The following KAZN variants were observed in gnomAD, a reference collection of about 807,000 sequenced individuals.
KAZN encodes the protein kazrin, periplakin interacting protein, also known as kazrin.
A neutral mutation model predicts 87.4 loss-of-function variants in KAZN; 40 were observed. That is an observed-to-expected ratio of 0.46 (90% CI 0.36 to 0.60). KAZN has a LOEUF of 0.60. KAZN is among the 20% of genes least tolerant of loss of function. The probability of loss-of-function intolerance (pLI) is 0.00; values close to 1 mark genes in which losing one functional copy is unlikely to be tolerated. For missense variants in KAZN, 898 were observed against 1,073.9 expected, an observed-to-expected ratio of 0.84 and a Z score of 2.29; for synonymous variants, 466 against 458.3, an observed-to-expected ratio of 1.02 and a Z score of -0.22.
In KAZN at chr1:14,553,839, A is replaced by G. The variant is rs535722469; in HGVS notation, c.250-45144A>G. Among the ~76,000 whole-genome samples the G allele has an allele frequency of 2.6e-5, 4 of 152,290 alleles. No individual in the cohort carries two copies. In the South Asian group the frequency reaches 8.3e-4, roughly 32 times the overall value. On this transcript the variant is annotated intron_variant, in intron 2 of 16. Coordinates refer to the KAZN transcript ENST00000636203. Reference sequence around the variant, plus strand: ...GACTTTCCTGGTGGAGCGTTTTGAAATGACCAATCCTGGGCCTCACTGCTG... The same window carrying G: ...GACTTTCCTGGTGGAGCGTTTTGAAGTGACCAATCCTGGGCCTCACTGCTG...
intron 3 of KAZN, among the ~76,000 whole-genome samples, chr1:15,036,019 TC>T (rs925823372): frequency 2.2e-4 from 34 of 151,776 alleles, no homozygotes; most frequent in Admixed American, 1.4e-3. Flanking sequence ...AGATGCTTGG[TC>T]CCCCCTACCC....
intron 2 of KAZN, among the ~76,000 whole-genome samples, chr1:14,419,643 A>C (rs149788545): frequency 3.2e-3 from 487 of 151,934 alleles, no homozygotes; most frequent in African/African-American, 0.01. Flanking sequence ...GTTCCTTCTG[A>C]TTTTCGGATG....
At chr1:14,111,903 C>A (rs1404024261) in intron 1 of KAZN, among the ~76,000 whole-genome samples, 1 of 152,056 alleles carries the variant, frequency 6.6e-6, no homozygotes, top group Non-Finnish European at 1.5e-5. Context: ...CCACGCCCGG[C>A]TAATTTTTGT....
At chr1:14,315,335 G>A (rs1033241086) in intron 2 of KAZN, among the ~76,000 whole-genome samples, 1 of 152,076 alleles carries the variant, frequency 6.6e-6, no homozygotes, top group Non-Finnish European at 1.5e-5. Context: ...CAGTGAAGCA[G>A]ATAGTGTTAT....
chr1:14,924,848 C>G lies in KAZN; in HGVS notation c.227-35836C>G, dbSNP rs1454432090. 2.0e-5 allele frequency among the ~76,000 whole-genome samples: 3 copies of G among 152,280 alleles called. No homozygotes were observed. The East Asian group carries it at 5.9e-4, about 30-fold the overall frequency. ...GGCGATCCCGCGGCGCCTGGAGACC[C>G]AGCTCCGGGCTGGACCCCGCGTCTG... is the stretch of plus-strand genomic sequence containing the variant. On this transcript the variant is annotated intron_variant, in intron 1 of 14. Coordinates refer to ENST00000376030, the MANE Select transcript of KAZN (RefSeq NM_201628.3).
At chr1:14,723,632 C>T (rs148664472) in intron 1 of KAZN, among the ~76,000 whole-genome samples, 3 of 152,338 alleles carry the variant, frequency 2.0e-5, no homozygotes, top group Non-Finnish European at 4.4e-5. Flanking sequence ...GCTCAGCATC[C>T]ATTTGCTCCC....
chr1:14,497,667 A>T (rs1463792925), intron 2 of KAZN, among the ~76,000 whole-genome samples: 1 of 152,218 alleles, frequency 6.6e-6, no homozygotes, highest in African/African-American at 2.4e-5. Context: ...TCAGCCTATG[A>T]AGATATATAC....
chr1:13,971,188 T>C (rs10803442), intron 1 of KAZN, among the ~76,000 whole-genome samples: 79,390 of 152,048 alleles, frequency 0.52, 21,277 homozygotes, highest in East Asian at 0.83. Context: ...ACCAGCCTAA[T>C]TTGGATGTGT....
At chr1:14,828,903 C>G (rs531673348) in intron 1 of KAZN, among the ~76,000 whole-genome samples, 3 of 152,116 alleles carry the variant, frequency 2.0e-5, no homozygotes, top group Admixed American at 1.3e-4. Flanking sequence ...GAAGAGATAG[C>G]GAGAGCAACA....
Position 13,989,746 on chromosome 1 carries a change from A to G in KAZN, c.91+95990A>G, listed in dbSNP as rs1029294570. ...TAGTAAAGAAATAAAATGGCCATCC[A>G]GTGACCACAGGCCCTTGGTACACCT... On this transcript the variant is annotated intron_variant, in intron 1 of 16. Transcript: ENST00000636203. Among the ~76,000 whole-genome samples, 28 of 152,220 alleles carry G rather than the reference A, an allele frequency of 1.8e-4. 1 individual carries two copies. The highest frequency in any genetic ancestry group is 7.2e-4 in the Admixed American group (11 of 15,280).
chr1:15,091,692 C>G (rs1041586345), intron 8 of KAZN, among the ~76,000 whole-genome samples: 1 of 152,214 alleles, frequency 6.6e-6, no homozygotes, highest in Non-Finnish European at 1.5e-5. Flanking sequence ...TTTCCCGTGA[C>G]AGGACTTTTT....
chr1:14,847,467 G>A (rs1296997592), intron 1 of KAZN, among the ~76,000 whole-genome samples: 1 of 152,206 alleles, frequency 6.6e-6, no homozygotes, highest in African/African-American at 2.4e-5. Flanking sequence ...AGGCCTGGGA[G>A]GTGCCTGCTG....
At chr1:14,774,464 A>G (rs1327231498) in intron 1 of KAZN, among the ~76,000 whole-genome samples, 2 of 145,996 alleles carry the variant, frequency 1.4e-5, no homozygotes, top group Non-Finnish European at 3.0e-5. Context: ...TGGTTCTTGA[A>G]CAGATTTTTT....
At chr1:14,643,930 CT>C (rs1180627681) in intron 1 of KAZN, among the ~76,000 whole-genome samples, 2 of 147,642 alleles carry the variant, frequency 1.4e-5, no homozygotes, top group Non-Finnish European at 3.0e-5. Context: ...TGATATTGAG[CT>C]TTTTTTTCAT....
In KAZN at chr1:13,915,389, G is replaced by A. The variant is rs6704097; in HGVS notation, c.91+21633G>A. Among the ~76,000 whole-genome samples the A allele has an allele frequency of 1.3e-3, 194 of 152,316 alleles. 1 individual carries two copies. The highest frequency in any genetic ancestry group is 4.5e-3 in the African/African-American group (187 of 41,576). On this transcript the variant is annotated intron_variant, in intron 1 of 16. Coordinates refer to the KAZN transcript ENST00000636203. ...TTTAGTCTATAACATTAATATATTT[G>A]TCTTTATACCAACATAGTTGTAAGT... is the stretch of plus-strand genomic sequence containing the variant.
intron 1 of KAZN, among the ~76,000 whole-genome samples, chr1:14,033,176 C>G (rs758518106): frequency 6.6e-5 from 10 of 152,124 alleles, no homozygotes; most frequent in Non-Finnish European, 1.5e-4. Context: ...CCAGTAAAAC[C>G]AGGCAAAGCC....
intron 1 of KAZN, among the ~76,000 whole-genome samples, chr1:14,669,919 A>G (rs891833528): frequency 6.6e-6 from 1 of 152,192 alleles, no homozygotes; most frequent in Non-Finnish European, 1.5e-5. Flanking sequence ...CCGCCAATCT[A>G]TCAGAGGCTA....
At chr1:14,528,362 G>GA (rs1326931668) in intron 2 of KAZN, among the ~76,000 whole-genome samples, 1 of 108,714 alleles carries the variant, frequency 9.2e-6, no homozygotes, top group South Asian at 3.1e-4. Flanking sequence ...AAAAAAAAAA[G>GA]AAAGAAAAAA....
intron 2 of KAZN, among the ~76,000 whole-genome samples, chr1:14,422,376 A>G (rs1395792956): frequency 6.6e-6 from 1 of 152,202 alleles, no homozygotes; most frequent in Non-Finnish European, 1.5e-5. Context: ...CTTTTCCTTC[A>G]ATAGCACAGG....
Sources: gnomAD v4.1 joint callset for allele counts (sites outside exome capture counted in the v4.1 genomes callset) on GRCh38, gnomAD v4.1.1 for gene constraint, MANE v1.5 for transcripts, NCBI Gene and HGNC (gene_info 2026-07-23, HGNC 2026-07-21) for gene names.